The following DARS2 variants were observed in gnomAD, a reference collection of about 807,000 sequenced individuals.
The protein encoded by DARS2 is aspartyl-tRNA synthetase 2, mitochondrial.
DARS2 carries 63 observed loss-of-function variants against 83.0 expected under a neutral mutation model. The observed-to-expected ratio is 0.76, with a 90% CI of 0.62 to 0.94. The LOEUF (loss-of-function observed/expected upper bound fraction) is 0.94, where lower values mean the gene tolerates loss of function less well. DARS2 is among the 40% of genes least tolerant of loss of function. DARS2 has a pLI of 0.00. For synonymous variants in DARS2, 250 were observed against 269.3 expected, an observed-to-expected ratio of 0.93 and a Z score of 0.70; for missense variants, 675 against 774.4, an observed-to-expected ratio of 0.87 and a Z score of 1.52.
rs2102659439 is a variant in DARS2 at position 173,850,548 on chromosome 1, A to G, written c.1344+69A>G. ...CAATGCCTTACTCTCCTATGTATAT[A>G]GTATACGTTTGAACTGTAGACTGTT... On this transcript the variant is annotated intron_variant, in intron 13 of 16. Transcript: ENST00000649689. The G allele has an allele frequency of 3.3e-6, 5 of 1,494,946 alleles. 1 individual carries two copies. The highest frequency in any genetic ancestry group is 4.6e-6 in the Non-Finnish European group (5 of 1,085,974). The allele number at this position is 1,494,946 out of a possible 1,614,324, so 92.6% of individuals were successfully genotyped here.
At chr1:173,839,215 G>C (rs754298855) in intron 9 of DARS2, 152 bp from the exon 10 acceptor site, 1 of 703,692 alleles carries the variant, frequency 1.4e-6, no homozygotes, top group Non-Finnish European at 2.4e-6. Context: ...AAGGCCATTA[G>C]CACAGTGTCT....
In DARS2 at chr1:173,840,934, C is replaced by A. The variant is rs761589048; in HGVS notation, c.1089C>A (p.Pro363=). Residue 363 remains proline (P), a synonymous_variant, in exon 11 of 17, where the codon CCC becomes CCA. Transcript: ENST00000649689. ...IGFLQDALSK[P]HGTVKAICIP... The stretch of plus-strand genomic sequence containing the variant: ...TTCTTCAAGATGCACTTAGTAAGCC[C>A]CATGGAACTGTGAAAGCCATATGTA... 1.2e-6 allele frequency: 2 copies of A among 1,612,578 alleles called. No homozygotes were observed. The highest frequency in any genetic ancestry group is 1.7e-6 in the Non-Finnish European group (2 of 1,178,716).
At chr1:173,833,628 G>A (rs541616028) in intron 6 of DARS2, 129 bp downstream of exon 6, 40 of 1,072,624 alleles carry the variant, frequency 3.7e-5, no homozygotes, top group Non-Finnish European at 5.0e-5. Context: ...CACTCAATGT[G>A]TAATGTAGTT....
chr1:173,845,305 T>G lies in DARS2; in HGVS notation c.1191+14T>G. Reference sequence around the variant, plus strand: ...CATTTTAATCAGGTAAGGAGTTAATTAGAGCAGTTTTTTTCCTTATACAGA... The same window carrying G: ...CATTTTAATCAGGTAAGGAGTTAATGAGAGCAGTTTTTTTCCTTATACAGA... On this transcript the variant is annotated intron_variant, in intron 12 of 16. Coordinates refer to ENST00000649689, the MANE Select transcript of DARS2 (RefSeq NM_018122.5). 6.3e-7 allele frequency: 1 copy of G among 1,590,442 alleles called. No homozygotes were observed. Among genetic ancestry groups the G allele is most frequent in the South Asian group, 1.1e-5 (1 of 90,466 alleles).
chr1:173,833,274 A>T, intron 5 of DARS2, 102 bp from the exon 6 acceptor site: 1 of 1,068,556 alleles, frequency 9.4e-7, no homozygotes, highest in Non-Finnish European at 1.3e-6. Flanking sequence ...GATAGAAACT[A>T]AAGACAGAGC....
chr1:173,826,576 A>G (rs1652579154), intron 1 of DARS2, 111 bp from the exon 2 acceptor site: 5 of 727,344 alleles, frequency 6.9e-6, no homozygotes, highest in Non-Finnish European at 1.2e-5. Flanking sequence ...TTTCCCCTGT[A>G]GCCCTGACAT....
intron 15 of DARS2, among the ~76,000 whole-genome samples, chr1:173,855,168 A>G (rs904928004): frequency 1.3e-5 from 2 of 151,394 alleles, no homozygotes; most frequent in Non-Finnish European, 2.9e-5. Flanking sequence ...CAGTGGCTCA[A>G]TCTTGGCTCA....
intron 15 of DARS2, 83 bp from the exon 16 acceptor site, chr1:173,856,583 T>A: frequency 8.1e-7 from 1 of 1,239,682 alleles, no homozygotes. Context: ...CAACTTTGTT[T>A]CCCCTTTATC....
intron 16 of DARS2, among the ~76,000 whole-genome samples, chr1:173,857,146 A>G (rs1653884704): frequency 6.6e-6 from 1 of 152,156 alleles, no homozygotes. Flanking sequence ...AGAGTAAGAA[A>G]TTCTAGGAAG....
In DARS2 at chr1:173,825,116, A is replaced by G; in HGVS notation, c.-114A>G. On this transcript the variant is annotated 5_prime_UTR_variant, in exon 1 of 17. Transcript: ENST00000649689. ...CGGAGGAGGCCTTAAATATTCGAGAAGAGAGTGGGAACTCCTGGAATTTTA... is the reference window on the plus strand; with the variant it reads ...CGGAGGAGGCCTTAAATATTCGAGAGGAGAGTGGGAACTCCTGGAATTTTA... 5 of 1,491,120 alleles carry G rather than the reference A, an allele frequency of 3.4e-6. No homozygotes were observed. The highest frequency in any genetic ancestry group is 4.6e-6 in the Non-Finnish European group (5 of 1,080,442). The allele number at this position is 1,491,120 out of a possible 1,614,324, so 92.4% of individuals were successfully genotyped here. A position where few individuals can be genotyped will look rare whatever the true frequency, so the allele number is the denominator to read the frequency against.
At chr1:173,840,288 G>A (rs1326594132) in intron 10 of DARS2, among the ~76,000 whole-genome samples, 5 of 152,188 alleles carry the variant, frequency 3.3e-5, no homozygotes, top group Admixed American at 3.3e-4. Flanking sequence ...GCCCAGGCTG[G>A]AGTGCAGTGG....
At chr1:173,833,097 G>A (rs1007119805) in intron 5 of DARS2, among the ~76,000 whole-genome samples, 2 of 152,126 alleles carry the variant, frequency 1.3e-5, no homozygotes, top group African/African-American at 4.8e-5. Flanking sequence ...TTTTTTTCAA[G>A]ATTCAACTAT....
At chr1:173,844,417 C>T (rs1375747828) in intron 11 of DARS2, among the ~76,000 whole-genome samples, 1 of 152,022 alleles carries the variant, frequency 6.6e-6, no homozygotes, top group Admixed American at 6.6e-5. Flanking sequence ...CACCTGTAAT[C>T]CCAGCACTTT....
In DARS2 at chr1:173,834,732, GTTTTTTTTTTTTTT is replaced by G; in HGVS notation, c.663+225_663+238del. ...AATTTTCTTTCCTTTGAGTTTTTTT[GTTTTTTTTTTTTTT>G]TTTTTTTTTTTGGTTTGTTTTGGGT... On this transcript the variant is annotated intron_variant, in intron 7 of 16. Coordinates refer to ENST00000649689, the MANE Select transcript of DARS2 (RefSeq NM_018122.5). Among the ~76,000 whole-genome samples the G allele has an allele frequency of 2.3e-4, 5 of 21,696 alleles. No homozygotes were observed. In the South Asian group the frequency reaches 0.012, roughly 52 times the overall value. The allele number at this position is 21,696 out of a possible 152,430, so 14.2% of individuals were successfully genotyped here.
At chr1:173,836,860 C>T (rs1050493388) in intron 7 of DARS2, 80 bp from the exon 8 acceptor site, 10 of 1,147,804 alleles carry the variant, frequency 8.7e-6, no homozygotes, top group African/African-American at 1.5e-5. Flanking sequence ...GAAGTAACAA[C>T]TTCTACTAGT....
rs1267268601 is a variant in DARS2 at position 173,838,233 on chromosome 1, CCAGA to C, written c.822_825del (p.Arg274SerfsTer9). The C allele has an allele frequency of 7.4e-6, 12 of 1,613,588 alleles. No homozygotes were observed. The highest frequency in any genetic ancestry group is 9.3e-6 in the Non-Finnish European group (11 of 1,179,584). ...ATGTTATCGAGATGAAGGTTCAAGA[CCAGA>C]CAGACAGCCTGAGTTTACTCAGGTA... On this transcript the variant is annotated frameshift_variant, in exon 9 of 17. Transcript: ENST00000649689. LOFTEE classifies it high-confidence loss of function.
At chr1:173,852,272 T>TA (rs1383104462) in intron 13 of DARS2, 14 of 981,204 alleles carry the variant, frequency 1.4e-5, no homozygotes, top group Admixed American at 6.2e-5. Context: ...AGGTAGCACT[T>TA]ATTAAGCACT....
chr1:173,825,250 A>G lies in DARS2; in HGVS notation c.21A>G (p.Leu7=). The change falls in exon 1 of 17, where the codon TTA becomes TTG. Residue 7 remains leucine (L), a synonymous_variant. Coordinates refer to ENST00000649689, the MANE Select transcript of DARS2 (RefSeq NM_018122.5). MYFPSW[L]SQLYRGLSRP... is the part of the protein sequence containing the mutation. ...CCAACATGTACTTCCCTTCTTGGTT[A>G]AGTCAGCTGTACAGGGGTTTATCCA... 1.9e-6 allele frequency: 3 copies of G among 1,612,972 alleles called. No homozygotes were observed. Among genetic ancestry groups the G allele is most frequent in the Non-Finnish European group, 2.5e-6 (3 of 1,179,364 alleles).
intron 16 of DARS2, among the ~76,000 whole-genome samples, 175 bp from the exon 17 acceptor site, chr1:173,857,343 T>C (rs1233122975): frequency 6.6e-6 from 1 of 152,170 alleles, no homozygotes; most frequent in African/African-American, 2.4e-5. Context: ...CAGAATGAGA[T>C]AGAAAAGAAC....
Sources: gnomAD v4.1 joint callset for allele counts (sites outside exome capture counted in the v4.1 genomes callset) on GRCh38, gnomAD v4.1.1 for gene constraint, MANE v1.5 for transcripts, NCBI Gene and HGNC (gene_info 2026-07-23, HGNC 2026-07-21) for gene names.